Variants in RBFOX1 observed in about 807,000 individuals in gnomAD.
RBFOX1 encodes the protein RNA binding protein fox-1 homolog 1.
In RBFOX1, 8 loss-of-function variants were observed where a neutral mutation model predicts 57.7. The observed-to-expected ratio is 0.14, with a 90% CI of 0.08 to 0.25. The LOEUF is 0.25. RBFOX1 is among the 10% of genes least tolerant of loss of function. RBFOX1 has a pLI of 1.00. For missense variants in RBFOX1, 611 were observed against 548.5 expected (o/e 1.11, Z -1.14); for synonymous variants, 326 against 222.4 (o/e 1.47, Z -4.15).
intron 4 of RBFOX1, among the ~76,000 whole-genome samples, chr16:7,198,044 C>T (rs532691561): frequency 9.3e-4 from 101 of 108,084 alleles, no homozygotes; most frequent in Admixed American, 2.7e-3. Context: ...CTTGCTCTGT[C>T]GCCCAGGCTG....
At chr16:5,387,849 C>T (rs115723591) in intron 1 of RBFOX1, among the ~76,000 whole-genome samples, 1,737 of 152,206 alleles carry the variant, frequency 0.011, 33 homozygotes, top group African/African-American at 0.039. Context: ...ATTGTCCCAG[C>T]GGGATTGATG....
chr16:6,602,256 C>A (rs1018244333), intron 2 of RBFOX1, among the ~76,000 whole-genome samples: 2 of 152,074 alleles, frequency 1.3e-5, no homozygotes, highest in Non-Finnish European at 2.9e-5. Flanking sequence ...AATATTCTCT[C>A]CCATTCAGTG....
At chr16:7,438,204 G>T (rs1272619571) in intron 4 of RBFOX1, among the ~76,000 whole-genome samples, 1 of 152,102 alleles carries the variant, frequency 6.6e-6, no homozygotes, top group Non-Finnish European at 1.5e-5. Flanking sequence ...ACTAACCAGG[G>T]TACAGTGGCT....
At chr16:7,674,423 A>G (rs966204718) in intron 13 of RBFOX1, among the ~76,000 whole-genome samples, 1 of 152,220 alleles carries the variant, frequency 6.6e-6, no homozygotes, top group African/African-American at 2.4e-5. Flanking sequence ...GTTGGACAGC[A>G]CAGATATAGA....
At position 6,724,863 on chromosome 16, in the gene RBFOX1, C is replaced by A. The variant is rs992047425; in HGVS notation, c.-16+70213C>A. Among the ~76,000 whole-genome samples the A allele has an allele frequency of 2.0e-5, 3 of 151,910 alleles. 1 individual carries two copies. In the East Asian group the frequency reaches 5.8e-4, roughly 29 times the overall value. On this transcript the variant is annotated intron_variant, in intron 3 of 15. Coordinates refer to ENST00000550418, the MANE Select transcript of RBFOX1 (RefSeq NM_018723.4). Reference sequence around the variant, plus strand: ...CCTAGGTGTGCATTAGTTATTTTTCCTAATGCTCTGCCTCCCCCAAAGCCA... The same window carrying A: ...CCTAGGTGTGCATTAGTTATTTTTCATAATGCTCTGCCTCCCCCAAAGCCA...
At chr16:5,597,763 C>T (rs192411851) in intron 2 of RBFOX1, among the ~76,000 whole-genome samples, 93 of 152,148 alleles carry the variant, frequency 6.1e-4, no homozygotes, top group African/African-American at 2.1e-3. Context: ...CATGCTCCTG[C>T]GCTGTACCTC....
chr16:5,802,371 C>T (rs376738273), intron 3 of RBFOX1, among the ~76,000 whole-genome samples: 3 of 152,110 alleles, frequency 2.0e-5, no homozygotes, highest in African/African-American at 7.2e-5. Context: ...TGTGAGTCTT[C>T]CCAAAGGATG....
chr16:5,899,559 C>T lies in RBFOX1; in HGVS notation c.351+32224C>T, dbSNP rs115292928. ...AATTCCACGGGTTTCACAGAGCAAACTGAAAGAGCTGGATATTGAGCAAAA... is the reference window on the plus strand; with the variant it reads ...AATTCCACGGGTTTCACAGAGCAAATTGAAAGAGCTGGATATTGAGCAAAA... On this transcript the variant is annotated intron_variant, in intron 4 of 19. Coordinates refer to the RBFOX1 transcript ENST00000641259. 3.5e-3 allele frequency among the ~76,000 whole-genome samples: 537 copies of T among 152,286 alleles called. 3 individuals are homozygous for T. The highest frequency in any genetic ancestry group is 0.013 in the African/African-American group (520 of 41,574).
At chr16:5,819,265 A>AT (rs1307222140) in intron 3 of RBFOX1, among the ~76,000 whole-genome samples, 2 of 152,144 alleles carry the variant, frequency 1.3e-5, no homozygotes, top group Non-Finnish European at 1.5e-5. Flanking sequence ...GGATCATACG[A>AT]GCTCTCTGGG....
Position 5,813,294 on chromosome 16 carries a change from T to C in RBFOX1, c.319-54009T>C, listed in dbSNP as rs1369099587. Among the ~76,000 whole-genome samples, 8 of 152,304 alleles carry C rather than the reference T, an allele frequency of 5.3e-5. No homozygotes were observed. The South Asian group carries it at 1.5e-3, about 28-fold the overall frequency. Reference sequence around the variant, plus strand: ...CCTTTAACCATTTTAAAACATACAATTCAGTGGTGTTAAATGCACCCACAA... The same window carrying C: ...CCTTTAACCATTTTAAAACATACAACTCAGTGGTGTTAAATGCACCCACAA... On this transcript the variant is annotated intron_variant, in intron 3 of 19. Transcript: ENST00000641259.
chr16:7,651,886 G>A (rs1030400076), intron 11 of RBFOX1, among the ~76,000 whole-genome samples: 3 of 152,094 alleles, frequency 2.0e-5, no homozygotes, highest in African/African-American at 7.2e-5. Context: ...AATACCTGCT[G>A]CTTAGTGAGA....
At chr16:6,414,089 A>G (rs1399217453) in intron 2 of RBFOX1, among the ~76,000 whole-genome samples, 1 of 152,158 alleles carries the variant, frequency 6.6e-6, no homozygotes, top group Non-Finnish European at 1.5e-5. Flanking sequence ...GTACTGTGGA[A>G]AGGGGCTGGA....
rs551733057 is a variant in RBFOX1, at chr16:5,519,280, A to T, written c.258+52026A>T. 1.7e-3 allele frequency among the ~76,000 whole-genome samples: 257 copies of T among 152,352 alleles called. 2 individuals carry two copies. The highest frequency in any genetic ancestry group is 5.9e-3 in the African/African-American group (244 of 41,584). On this transcript the variant is annotated intron_variant, in intron 2 of 2. Transcript: ENST00000585867. ...TCATGAGTAGAATATCTGGGCTCCCATGCTAGCATGGTTGTTTTTCATGTC... is the reference window on the plus strand; with the variant it reads ...TCATGAGTAGAATATCTGGGCTCCCTTGCTAGCATGGTTGTTTTTCATGTC...
intron 3 of RBFOX1, among the ~76,000 whole-genome samples, chr16:6,767,349 C>A (rs1483091369): frequency 6.6e-6 from 1 of 152,146 alleles, no homozygotes; most frequent in African/African-American, 2.4e-5. Flanking sequence ...GGCCATTTCT[C>A]TGCCCCCCTG....
chr16:6,180,508 C>G (rs1314695941), intron 1 of RBFOX1, among the ~76,000 whole-genome samples: 1 of 143,396 alleles, frequency 7.0e-6, no homozygotes, highest in Non-Finnish European at 1.5e-5. Context: ...TTTGAGTTTT[C>G]TTTTTTTTTT....
At chr16:5,489,275 C>A (rs575896029) in intron 2 of RBFOX1, among the ~76,000 whole-genome samples, 130 of 152,350 alleles carry the variant, frequency 8.5e-4, no homozygotes, top group African/African-American at 3.0e-3. Flanking sequence ...ACATGAAGGG[C>A]ACATGATGTG....
intron 2 of RBFOX1, among the ~76,000 whole-genome samples, chr16:6,392,166 C>G (rs927580550): frequency 6.6e-6 from 1 of 152,170 alleles, no homozygotes; most frequent in African/African-American, 2.4e-5. Flanking sequence ...AAATTGTTGT[C>G]TTTGAAAAGA....
At chr16:6,206,287 C>A (rs550780164) in intron 1 of RBFOX1, among the ~76,000 whole-genome samples, 42 of 152,180 alleles carry the variant, frequency 2.8e-4, no homozygotes, top group Non-Finnish European at 5.1e-4. Context: ...TTACCTGGGC[C>A]GCTCTTTCCT....
At chr16:7,209,109 A>T (rs2090590105) in intron 4 of RBFOX1, among the ~76,000 whole-genome samples, 1 of 151,458 alleles carries the variant, frequency 6.6e-6, no homozygotes, top group African/African-American at 2.4e-5. Flanking sequence ...AGCCTGGCCA[A>T]CGTGGTGAAA....
Sources: allele counts gnomAD v4.1 joint callset (sites outside exome capture counted in the v4.1 genomes callset), GRCh38; gene constraint gnomAD v4.1.1; transcripts MANE v1.5; gene names NCBI Gene and HGNC (gene_info 2026-07-23, HGNC 2026-07-21).